The following MFHAS1 variants were observed in gnomAD, a reference collection of about 807,000 sequenced individuals.
The protein encoded by MFHAS1 is malignant fibrous histiocytoma-amplified sequence 1.
MFHAS1 carries 50 observed loss-of-function variants against 70.4 expected under a neutral mutation model. The observed-to-expected ratio is 0.71, with a 90% CI of 0.57 to 0.90. The LOEUF (loss-of-function observed/expected upper bound fraction) is 0.90, where lower values mean the gene tolerates loss of function less well. MFHAS1 is among the 40% of genes least tolerant of loss of function. The pLI, the probability that MFHAS1 is intolerant of heterozygous loss-of-function variation, is 0.00. For missense variants in MFHAS1, 1,795 were observed against 1,347.6 expected, an observed-to-expected ratio of 1.33 and a Z score of -5.20; for synonymous variants, 952 against 620.0, an observed-to-expected ratio of 1.54 and a Z score of -7.96.
chr8:8,882,606 C>T (rs1809571978), intron 1 of MFHAS1, among the ~76,000 whole-genome samples: 2 of 151,962 alleles, frequency 1.3e-5, no homozygotes, highest in Admixed American at 1.3e-4. Context: ...AGTGAGACTC[C>T]ATCTCAAAAA....
chr8:8,853,684 A>G (rs1018304822), intron 1 of MFHAS1, among the ~76,000 whole-genome samples: 1 of 152,150 alleles, frequency 6.6e-6, no homozygotes, highest in Non-Finnish European at 1.5e-5. Flanking sequence ...CTCCTGTCTC[A>G]GCCTCCTGAG....
chr8:8,831,712 G>A (rs896526400), intron 1 of MFHAS1, among the ~76,000 whole-genome samples: 6 of 151,670 alleles, frequency 4.0e-5, no homozygotes, highest in East Asian at 3.9e-4. Flanking sequence ...AGGTTCAAGC[G>A]ATTCTTGTGC....
At chr8:8,802,494 C>A (rs1563180567) in intron 1 of MFHAS1, among the ~76,000 whole-genome samples, 1 of 152,186 alleles carries the variant, frequency 6.6e-6, no homozygotes, top group Non-Finnish European at 1.5e-5. Context: ...CGAGAAGACA[C>A]CATATGTGAA....
At chr8:8,840,364 T>C (rs564650129) in intron 1 of MFHAS1, among the ~76,000 whole-genome samples, 123 of 148,908 alleles carry the variant, frequency 8.3e-4, no homozygotes, top group African/African-American at 2.9e-3. Context: ...GGCTGAGGCA[T>C]GAGAATCACT....
At chr8:8,821,006 T>A (rs936434473) in intron 1 of MFHAS1, among the ~76,000 whole-genome samples, 23 of 152,174 alleles carry the variant, frequency 1.5e-4, no homozygotes, top group Non-Finnish European at 4.4e-5. Context: ...CCTCTTCCTT[T>A]AAAAGCCAAC....
rs76004242 is a variant in MFHAS1, at chr8:8,837,932, T to C, written c.2999-40441A>G. Among the ~76,000 whole-genome samples, 1,091 of 152,250 alleles carry C rather than the reference T, an allele frequency of 7.2e-3. 7 individuals are homozygous for C. The highest frequency in any genetic ancestry group is 0.011 in the Non-Finnish European group (764 of 68,004). ...GACCCACCATTCCACCCCTACATGT[T>C]TACTCAGGAGAAACAATGACATGTC... On this transcript the variant is annotated intron_variant, in intron 1 of 2. Transcript: ENST00000276282.
At chr8:8,834,132 C>CA (rs60770711) in intron 1 of MFHAS1, among the ~76,000 whole-genome samples, 47,766 of 145,584 alleles carry the variant, frequency 0.33, 8,175 homozygotes, top group Non-Finnish European at 0.4. Flanking sequence ...TCAAAAAAAA[C>CA]AAAAAAAACA....
rs1399663512 is a variant in MFHAS1 at position 8,834,813 on chromosome 8, CA to C, written c.2999-37323del. Among the ~76,000 whole-genome samples, 6 of 152,292 alleles carry C rather than the reference CA, an allele frequency of 3.9e-5. No individual in the cohort carries two copies. In the East Asian group the frequency reaches 1.2e-3, roughly 29 times the overall value. ...AGAAGAAGCCAGATCTGTGGTTCCT[CA>C]ACTGTGCACGAAACCACCCCAGGGC... On this transcript the variant is annotated intron_variant, in intron 1 of 2. Coordinates refer to ENST00000276282, the MANE Select transcript of MFHAS1 (RefSeq NM_004225.3).
chr8:8,860,523 C>T (rs1007528763), intron 1 of MFHAS1, among the ~76,000 whole-genome samples: 13 of 152,146 alleles, frequency 8.5e-5, no homozygotes, highest in African/African-American at 2.2e-4. Flanking sequence ...ACACTTGTAC[C>T]GGATTCTCTA....
At chr8:8,854,254 C>G (rs901667421) in intron 1 of MFHAS1, among the ~76,000 whole-genome samples, 1 of 151,964 alleles carries the variant, frequency 6.6e-6, no homozygotes, top group Non-Finnish European at 1.5e-5. Context: ...AAAATTAGGC[C>G]AGGTGCAGTG....
intron 1 of MFHAS1, among the ~76,000 whole-genome samples, chr8:8,861,161 G>A (rs796503061): frequency 3.9e-5 from 6 of 152,134 alleles, no homozygotes; most frequent in Admixed American, 6.6e-5. Flanking sequence ...AACATCTACC[G>A]AACTGAATTA....
At chr8:8,862,645 G>A (rs1166296467) in intron 1 of MFHAS1, among the ~76,000 whole-genome samples, 1 of 152,162 alleles carries the variant, frequency 6.6e-6, no homozygotes, top group African/African-American at 2.4e-5. Flanking sequence ...TACTATAACG[G>A]TGGATACATC....
chr8:8,893,131 C>T lies in MFHAS1; in HGVS notation c.-73G>A, dbSNP rs1810163273. 3.6e-6 allele frequency: 4 copies of T among 1,122,252 alleles called. No individual in the cohort carries two copies. The highest frequency in any genetic ancestry group is 4.7e-6 in the Non-Finnish European group (4 of 856,502). The allele number at this position is 1,122,252 out of a possible 1,614,324, so 69.5% of individuals were successfully genotyped here. On this transcript the variant is annotated 5_prime_UTR_variant, in exon 1 of 3. Coordinates refer to ENST00000276282, the MANE Select transcript of MFHAS1 (RefSeq NM_004225.3). ...CTACATGCCGCGCCGCGCCCCGGGC[C>T]CTCCGGCTCCTGCCCCTGCCTGCCC...
chr8:8,824,322 T>G (rs1807073448), intron 1 of MFHAS1, among the ~76,000 whole-genome samples: 1 of 151,838 alleles, frequency 6.6e-6, no homozygotes, highest in Non-Finnish European at 1.5e-5. Flanking sequence ...CAGGACTGCC[T>G]CCCTCCAAGC....
intron 1 of MFHAS1, among the ~76,000 whole-genome samples, chr8:8,886,438 G>A (rs557960301): frequency 2.6e-5 from 4 of 152,006 alleles, no homozygotes; most frequent in Non-Finnish European, 5.9e-5. Context: ...AAAGCAAAGG[G>A]ATTACAGCCC....
chr8:8,806,219 T>C (rs983591132), intron 1 of MFHAS1, among the ~76,000 whole-genome samples: 6 of 152,316 alleles, frequency 3.9e-5, no homozygotes, highest in African/African-American at 1.2e-4. Context: ...CGTCAGAGTC[T>C]TGGCATCTCC....
At chr8:8,786,609 CAGTTCCGATAAAATGGTTAG>C (rs1268563363) in intron 2 of MFHAS1, among the ~76,000 whole-genome samples, 2 of 152,034 alleles carry the variant, frequency 1.3e-5, no homozygotes, top group Non-Finnish European at 2.9e-5. Flanking sequence ...AAGCGGGATT[CAGTTCCGATAAAATGGTTAG>C]AGGAAAAAAT....
chr8:8,795,021 T>C (rs1285298846), intron 2 of MFHAS1, among the ~76,000 whole-genome samples: 1 of 152,226 alleles, frequency 6.6e-6, no homozygotes, highest in Non-Finnish European at 1.5e-5. Context: ...CAAATGGATA[T>C]TTTAACTCCT....
At chr8:8,881,322 T>C (rs937273029) in intron 1 of MFHAS1, among the ~76,000 whole-genome samples, 1 of 152,168 alleles carries the variant, frequency 6.6e-6, no homozygotes, top group Non-Finnish European at 1.5e-5. Flanking sequence ...CTGCTAGCAG[T>C]GGATTCTGGG....
Sources: allele counts gnomAD v4.1 joint callset (sites outside exome capture counted in the v4.1 genomes callset), GRCh38; gene constraint gnomAD v4.1.1; transcripts MANE v1.5; gene names NCBI Gene and HGNC (gene_info 2026-07-23, HGNC 2026-07-21).